The following THNSL1 variants were observed in gnomAD, a reference collection of about 807,000 sequenced individuals.
THNSL1 encodes the protein threonine synthase-like 1.
THNSL1 carries 48 observed loss-of-function variants against 50.4 expected under a neutral mutation model. The observed-to-expected ratio is 0.95, with a 90% CI of 0.76 to 1.21. The LOEUF (loss-of-function observed/expected upper bound fraction) is 1.21, where lower values mean the gene tolerates loss of function less well. Among genes scored for constraint, THNSL1 ranks in the 50% most tolerant of loss-of-function variants. The pLI is 0.00. For synonymous variants in THNSL1, 309 were observed against 306.1 expected, an observed-to-expected ratio of 1.01 and a Z score of -0.10; for missense variants, 896 against 871.7, an observed-to-expected ratio of 1.03 and a Z score of -0.35.
chr10:25,022,873 AAAGC>A (rs1850752708), intron 2 of THNSL1, among the ~76,000 whole-genome samples: 1 of 152,212 alleles, frequency 6.6e-6, no homozygotes, highest in Non-Finnish European at 1.5e-5. Context: ...TATACTTTTA[AAAGC>A]ATCTACAATC....
At chr10:25,003,318 T>C in the THNSL1 span, among the ~76,000 whole-genome samples, 3 of 152,202 alleles carry the variant, frequency 2.0e-5, no homozygotes, top group Admixed American at 6.5e-5. Context: ...ATGATTCTCA[T>C]GCCTCTGCCT....
chr10:25,003,766 C>T, the THNSL1 span, among the ~76,000 whole-genome samples: 1 of 152,218 alleles, frequency 6.6e-6, no homozygotes, highest in South Asian at 2.1e-4. Flanking sequence ...CAGATTATTT[C>T]ATCACCCAGG....
upstream of THNSL1, chr10:25,016,148 T>C (rs1850566106): frequency 6.3e-5 from 77 of 1,221,696 alleles, no homozygotes; most frequent in Non-Finnish European, 7.7e-5. Flanking sequence ...TTGCTAAGCG[T>C]CGTTGACTGT....
At chr10:24,955,711 A>T in the THNSL1 span, among the ~76,000 whole-genome samples, 1 of 152,196 alleles carries the variant, frequency 6.6e-6, no homozygotes, top group Admixed American at 6.5e-5. Context: ...TCGGGAGGCC[A>T]AAGCAGGAGG....
the THNSL1 span, chr10:24,995,684 C>T: frequency 6.2e-7 from 1 of 1,613,960 alleles, no homozygotes; most frequent in Non-Finnish European, 8.5e-7. Context: ...CCTGAAGGCT[C>T]AAGATCATGC....
At chr10:24,993,738 T>C in the THNSL1 span, among the ~76,000 whole-genome samples, 1 of 152,234 alleles carries the variant, frequency 6.6e-6, no homozygotes, top group Admixed American at 6.5e-5. Flanking sequence ...AGTGCTTTCA[T>C]GGTTTGGTAA....
chr10:24,988,469 T>TTA, the THNSL1 span, among the ~76,000 whole-genome samples: 1 of 146,226 alleles, frequency 6.8e-6, no homozygotes, highest in African/African-American at 2.5e-5. Context: ...TATAATTTAT[T>TTA]TATATATAAA....
In THNSL1 at chr10:25,023,342, C is replaced by T. The variant is rs145338150; in HGVS notation, c.119C>T (p.Ala40Val). Residue 40 changes from alanine to valine, a missense_variant, in exon 3 of 3, where the codon GCG becomes GTG. By Grantham distance (64) the Ala-to-Val change is moderately conservative (BLOSUM62 0). Coordinates refer to ENST00000376356, the MANE Select transcript of THNSL1 (RefSeq NM_024838.5). ...QRFLSRTFAL[A>V]ELRKSWYSTH... ...TTTCTTTCAAGAACCTTTGCACTTG[C>T]GGAATTGAGGAAGTCATGGTATTCA... 151 of 1,613,890 alleles carry T rather than the reference C, an allele frequency of 9.4e-5. No homozygotes were observed. The highest frequency in any genetic ancestry group is 3.5e-4 in the Admixed American group (21 of 59,974).
the THNSL1 span, among the ~76,000 whole-genome samples, chr10:24,965,395 T>C: frequency 6.6e-6 from 1 of 152,234 alleles, no homozygotes; most frequent in Non-Finnish European, 1.5e-5. Flanking sequence ...CAGCCCTCAT[T>C]GACTTGCCCA....
At chr10:24,983,687 G>A in the THNSL1 span, 2 of 152,088 alleles carry the variant, frequency 1.3e-5, no homozygotes, top group Non-Finnish European at 2.9e-5. Flanking sequence ...CAAATTCTGT[G>A]TTTGTGAAAA....
the THNSL1 span, among the ~76,000 whole-genome samples, chr10:25,004,424 A>G: frequency 6.6e-6 from 1 of 151,742 alleles, no homozygotes. Flanking sequence ...TTTCTCCACA[A>G]CCTCACCAGT....
the THNSL1 span, among the ~76,000 whole-genome samples, chr10:24,988,865 A>G: frequency 8.6e-5 from 13 of 151,810 alleles, no homozygotes; most frequent in African/African-American, 3.1e-4. Flanking sequence ...ATCGAACTAC[A>G]TGCAACTCTT....
At chr10:25,019,706 C>G (rs915985012) in intron 1 of THNSL1, among the ~76,000 whole-genome samples, 1 of 152,206 alleles carries the variant, frequency 6.6e-6, no homozygotes, top group Non-Finnish European at 1.5e-5. Context: ...GTCCTATTAA[C>G]TGCTAATTAT....
the THNSL1 span, among the ~76,000 whole-genome samples, chr10:24,962,616 T>C: frequency 2.6e-5 from 4 of 152,186 alleles, no homozygotes; most frequent in Non-Finnish European, 5.9e-5. Flanking sequence ...TGTTGAAAGA[T>C]TGTCCCTCAA....
chr10:25,003,174 A>AT, the THNSL1 span, among the ~76,000 whole-genome samples: 3,762 of 137,690 alleles, frequency 0.027, 116 homozygotes, highest in African/African-American at 0.078. Context: ...TAATTAATTA[A>AT]TTAATTAATT....
the THNSL1 span, among the ~76,000 whole-genome samples, chr10:25,009,772 T>G: frequency 6.6e-6 from 1 of 152,026 alleles, no homozygotes; most frequent in South Asian, 2.1e-4. Flanking sequence ...TCACATAAGA[T>G]CTGATGGTTT....
the THNSL1 span, chr10:24,990,732 G>T: frequency 6.2e-6 from 6 of 964,358 alleles, no homozygotes; most frequent in East Asian, 1.6e-4. Flanking sequence ...TCAAAACCCT[G>T]TAAATTGACA....
chr10:25,000,839 C>T, the THNSL1 span, among the ~76,000 whole-genome samples: 1 of 151,986 alleles, frequency 6.6e-6, no homozygotes, highest in Non-Finnish European at 1.5e-5. Context: ...TCCCCTTGCT[C>T]ATTCTATCTT....
the THNSL1 span, among the ~76,000 whole-genome samples, chr10:25,004,938 T>C: frequency 3.3e-5 from 5 of 152,322 alleles, no homozygotes; most frequent in East Asian, 1.9e-4. Context: ...AATTTTTGTA[T>C]ATGGTGAGAG....
Sources: gnomAD v4.1 joint callset for allele counts (sites outside exome capture counted in the v4.1 genomes callset) on GRCh38, gnomAD v4.1.1 for gene constraint, MANE v1.5 for transcripts, NCBI Gene and HGNC (gene_info 2026-07-23, HGNC 2026-07-21) for gene names.